The following PRMT8 variants were observed in gnomAD, a reference collection of about 807,000 sequenced individuals.
PRMT8 encodes the protein protein arginine methyltransferase 8.
Under a neutral mutation model 47.1 loss-of-function variants are expected in PRMT8, and 7 were observed. The ratio of observed to expected loss-of-function variants is 0.15; its 90% CI spans 0.08 to 0.28. The LOEUF is 0.28. PRMT8 is among the 10% of genes least tolerant of loss of function. The pLI is 1.00. For missense variants in PRMT8, 237 were observed against 505.4 expected (o/e 0.47, Z 5.09); for synonymous variants, 188 against 186.5 (o/e 1.01, Z -0.07).
intron 1 of PRMT8, among the ~76,000 whole-genome samples, chr12:3,424,469 A>G (rs1341977045): frequency 2.0e-5 from 3 of 152,150 alleles, no homozygotes; most frequent in Admixed American, 1.3e-4. Flanking sequence ...CTTTTTTCCA[A>G]TTAAAAGAGC....
At position 3,456,187 on chromosome 12, in the gene PRMT8, A is replaced by G. The variant is rs145263513; in HGVS notation, c.48+74745A>G. ...ACATTTCCGATGACCACATCCAAGT[A>G]CGCCAGCGCTGGCACACCAAGCGCC... On this transcript the variant is annotated intron_variant, in intron 1 of 9. Transcript: ENST00000452611. This position sits in a 1 kb window ranked among gnomAD's most constrained non-coding sequence, Gnocchi z 4.2. Among the ~76,000 whole-genome samples the G allele has an allele frequency of 2.8e-3, 434 of 152,302 alleles. No individual in the cohort carries two copies. Among genetic ancestry groups the G allele is most frequent in the African/African-American group, 9.1e-3 (378 of 41,554 alleles).
intron 1 of PRMT8, among the ~76,000 whole-genome samples, chr12:3,429,349 C>T (rs1009624801): frequency 3.3e-5 from 5 of 152,124 alleles, no homozygotes; most frequent in Admixed American, 2.0e-4. Flanking sequence ...ATGGTAACAC[C>T]GTAATCTCCC....
rs1412085418 is a variant in PRMT8, at chr12:3,491,601, T to C, written c.-25T>C. On this transcript the variant is annotated 5_prime_UTR_variant, in exon 1 of 10. Coordinates refer to ENST00000382622, the MANE Select transcript of PRMT8 (RefSeq NM_019854.5). Reference sequence around the variant, plus strand: ...TCTCTCTCCTCCTCTACTATCTCGGTATCACCAAACCCTTGCCGGCTCTTA... The same window carrying C: ...TCTCTCTCCTCCTCTACTATCTCGGCATCACCAAACCCTTGCCGGCTCTTA... 6.2e-7 allele frequency: 1 copy of C among 1,610,230 alleles called. No homozygotes were observed. Among genetic ancestry groups the C allele is most frequent in the South Asian group, 1.1e-5 (1 of 90,330 alleles).
chr12:3,390,859 C>G (rs898986702), intron 1 of PRMT8, among the ~76,000 whole-genome samples: 1 of 152,174 alleles, frequency 6.6e-6, no homozygotes, highest in East Asian at 1.9e-4. Flanking sequence ...ACTGAGCCTC[C>G]GGAGCCTAGC....
chr12:3,465,160 A>T (rs1334985360), intron 1 of PRMT8, among the ~76,000 whole-genome samples: 4 of 55,516 alleles, frequency 7.2e-5, no homozygotes, highest in Non-Finnish European at 2.1e-4. Context: ...TTTTTTTATA[A>T]AAAAATATAT....
intron 1 of PRMT8, among the ~76,000 whole-genome samples, chr12:3,525,389 A>T (rs771570234): frequency 6.6e-6 from 1 of 152,150 alleles, no homozygotes; most frequent in Admixed American, 6.5e-5. Context: ...TATGCAGAGG[A>T]TACAGGAGTT....
intron 1 of PRMT8, among the ~76,000 whole-genome samples, chr12:3,401,751 T>G (rs11610204): frequency 0.23 from 35,402 of 151,888 alleles, 4,283 homozygotes; most frequent in Middle Eastern, 0.29. Context: ...ATAAAATACT[T>G]AGGAATAAAT....
intron 1 of PRMT8, among the ~76,000 whole-genome samples, chr12:3,446,525 G>A (rs1467003272): frequency 6.6e-6 from 1 of 152,182 alleles, no homozygotes; most frequent in East Asian, 1.9e-4. Flanking sequence ...CCTTCTGAGG[G>A]ACCCAAGTCC....
upstream of PRMT8, among the ~76,000 whole-genome samples, chr12:3,486,493 A>C (rs1376929900): frequency 6.6e-6 from 1 of 152,132 alleles, no homozygotes; most frequent in Non-Finnish European, 1.5e-5. Flanking sequence ...TAACAGAAAA[A>C]AATATGTATT....
intron 1 of PRMT8, among the ~76,000 whole-genome samples, chr12:3,520,227 C>T (rs1384844022): frequency 6.6e-6 from 1 of 152,196 alleles, no homozygotes; most frequent in East Asian, 1.9e-4. Context: ...GTGCATCTCT[C>T]GGCCTGTCGG....
intron 1 of PRMT8, among the ~76,000 whole-genome samples, chr12:3,526,073 C>T (rs1865946444): frequency 6.6e-6 from 1 of 152,144 alleles, no homozygotes; most frequent in Non-Finnish European, 1.5e-5. Context: ...TGCTTTCTGT[C>T]TGTATAATTC....
In PRMT8 at chr12:3,453,837, C is replaced by T. The variant is rs1055093547; in HGVS notation, c.48+72395C>T. On this transcript the variant is annotated intron_variant, in intron 1 of 9. Coordinates refer to the PRMT8 transcript ENST00000452611. This position sits in a 1 kb window ranked among gnomAD's most constrained non-coding sequence, Gnocchi z 4.9. ...TCCTGCTATGCTAGGTCTGGGCTTCCGACGCCGGCCCTGCTCCGGCGATTG... is the reference window on the plus strand; with the variant it reads ...TCCTGCTATGCTAGGTCTGGGCTTCTGACGCCGGCCCTGCTCCGGCGATTG... Among the ~76,000 whole-genome samples the T allele has an allele frequency of 5.3e-5, 8 of 152,172 alleles. No homozygotes were observed. Among genetic ancestry groups the T allele is most frequent in the Admixed American group, 2.6e-4 (4 of 15,282 alleles).
intron 1 of PRMT8, among the ~76,000 whole-genome samples, chr12:3,457,140 G>A (rs1345569591): frequency 6.6e-6 from 1 of 152,188 alleles, no homozygotes; most frequent in Non-Finnish European, 1.5e-5. Context: ...GTCTGCAGCA[G>A]CAGTGTCTGA....
intron 1 of PRMT8, among the ~76,000 whole-genome samples, chr12:3,450,292 T>C (rs1328675093): frequency 6.6e-6 from 1 of 152,230 alleles, no homozygotes; most frequent in Non-Finnish European, 1.5e-5. Flanking sequence ...TCTTGGATGT[T>C]GAATGGATCT....
At chr12:3,563,461 A>G (rs1399307799) in intron 4 of PRMT8, among the ~76,000 whole-genome samples, 2 of 151,986 alleles carry the variant, frequency 1.3e-5, no homozygotes, top group Non-Finnish European at 2.9e-5. Context: ...CTGCAGCAAT[A>G]GGGTCAGTTT....
intron 4 of PRMT8, among the ~76,000 whole-genome samples, chr12:3,560,454 A>G (rs926288599): frequency 6.6e-6 from 1 of 152,166 alleles, no homozygotes. Context: ...TGTGTGGCCC[A>G]CACGCGCGCT....
intron 8 of PRMT8, among the ~76,000 whole-genome samples, chr12:3,589,881 C>G (rs1268364993): frequency 6.6e-6 from 1 of 152,206 alleles, no homozygotes; most frequent in Non-Finnish European, 1.5e-5. Flanking sequence ...CTTGAAATCC[C>G]TTTGCCTGAA....
At chr12:3,424,424 T>A (rs1326402570) in intron 1 of PRMT8, among the ~76,000 whole-genome samples, 1 of 152,214 alleles carries the variant, frequency 6.6e-6, no homozygotes. Flanking sequence ...AGAGTCCTAA[T>A]TCGTGACAAA....
chr12:3,574,867 A>T (rs935431099), intron 6 of PRMT8, among the ~76,000 whole-genome samples: 5 of 152,240 alleles, frequency 3.3e-5, no homozygotes, highest in Admixed American at 2.6e-4. Flanking sequence ...CTCCCGGCAG[A>T]GTCCAGGGAG....
Sources: allele counts gnomAD v4.1 joint callset (sites outside exome capture counted in the v4.1 genomes callset), GRCh38; gene constraint gnomAD v4.1.1; non-coding constraint Gnocchi (gnomAD v3.1); transcripts MANE v1.5; gene names NCBI Gene and HGNC (gene_info 2026-07-23, HGNC 2026-07-21).